The following AHRR variants were observed in gnomAD, a reference collection of about 807,000 sequenced individuals.
AHRR encodes aryl hydrocarbon receptor repressor.
AHRR carries 28 observed loss-of-function variants against 44.0 expected under a neutral mutation model. That is an observed-to-expected ratio of 0.64 (90% CI 0.47 to 0.87). AHRR has a LOEUF of 0.87. AHRR is among the 40% of genes least tolerant of loss of function. AHRR has a pLI of 0.00. For synonymous variants in AHRR, 434 were observed against 407.0 expected, an observed-to-expected ratio of 1.07 and a Z score of -0.80; for missense variants, 990 against 953.9, an observed-to-expected ratio of 1.04 and a Z score of -0.50.
At chr5:426,829 A>G (rs1287512835) in intron 7 of AHRR, among the ~76,000 whole-genome samples, 1 of 145,758 alleles carries the variant, frequency 6.9e-6, no homozygotes, top group Non-Finnish European at 1.5e-5. Flanking sequence ...AATATGATGG[A>G]TGGGTGGAAA....
intron 3 of AHRR, among the ~76,000 whole-genome samples, chr5:359,635 C>G (rs1242866158): frequency 1.3e-5 from 2 of 152,224 alleles, no homozygotes; most frequent in Non-Finnish European, 2.9e-5. Context: ...CACTCATCAC[C>G]CGCAGCAGCA....
chr5:421,778 C>T (rs797020448), intron 5 of AHRR, among the ~76,000 whole-genome samples: 3 of 152,322 alleles, frequency 2.0e-5, no homozygotes, highest in East Asian at 1.9e-4. Context: ...TCATCTTGTT[C>T]GGGGAGCCCC....
At chr5:386,458 T>A (rs1734171405) in intron 4 of AHRR, among the ~76,000 whole-genome samples, 1 of 152,234 alleles carries the variant, frequency 6.6e-6, no homozygotes, top group African/African-American at 2.4e-5. Context: ...AAGTAGAGAA[T>A]CTTTCTCACT....
At chr5:377,686 C>T (rs983225062) in intron 4 of AHRR, among the ~76,000 whole-genome samples, 2 of 152,248 alleles carry the variant, frequency 1.3e-5, no homozygotes, top group Admixed American at 6.5e-5. Flanking sequence ...AGTTCACAAC[C>T]CCCAGCTCGC....
At chr5:425,466 T>G (rs6895775) in intron 7 of AHRR, among the ~76,000 whole-genome samples, 2 of 152,142 alleles carry the variant, frequency 1.3e-5, no homozygotes, top group Non-Finnish European at 2.9e-5. Flanking sequence ...TACAGGCGCC[T>G]GCCACCACGC....
intron 5 of AHRR, 175 bp from the exon 6 acceptor site, chr5:422,554 C>T: frequency 1.2e-6 from 1 of 817,688 alleles, no homozygotes; most frequent in Non-Finnish European, 1.9e-6. Flanking sequence ...TAGACATCTT[C>T]TCAGGAGGGA....
At chr5:346,108 A>C (rs1742668436) in intron 2 of AHRR, among the ~76,000 whole-genome samples, 1 of 152,210 alleles carries the variant, frequency 6.6e-6, no homozygotes, top group Non-Finnish European at 1.5e-5. Flanking sequence ...CTGCAGAAGA[A>C]ACAGCACAGC....
chr5:415,926 C>A (rs1031021231), intron 5 of AHRR, among the ~76,000 whole-genome samples: 1 of 143,794 alleles, frequency 7.0e-6, no homozygotes, highest in African/African-American at 2.6e-5. Flanking sequence ...TGCAAAAAAA[C>A]TCCTCTAGTC....
At chr5:339,159 AG>A (rs1560880837) in intron 1 of AHRR, among the ~76,000 whole-genome samples, 2 of 152,150 alleles carry the variant, frequency 1.3e-5, no homozygotes, top group Non-Finnish European at 2.9e-5. Context: ...CTCAGGCTGG[AG>A]TGCAGTGGTA....
rs1295817929 is a variant in AHRR at position 431,482 on chromosome 5, T to A, written c.909-981T>A. Among the ~76,000 whole-genome samples, 3 of 152,340 alleles carry A rather than the reference T, an allele frequency of 2.0e-5. No individual in the cohort carries two copies. The East Asian group carries it at 5.8e-4, about 29-fold the overall frequency. ...AAGCCGGCTTTCAGGATACACCTTG[T>A]GGTCCACCAGTCCTGAGCCGCAGGA... On this transcript the variant is annotated intron_variant, in intron 8 of 10. Coordinates refer to ENST00000684583, the MANE Select transcript of AHRR (RefSeq NM_001377236.1).
At chr5:412,261 TA>T (rs921525646) in intron 4 of AHRR, among the ~76,000 whole-genome samples, 18 of 151,986 alleles carry the variant, frequency 1.2e-4, no homozygotes, top group African/African-American at 3.1e-4. Context: ...ATAGTTAATG[TA>T]AAAAAAATAA....
intron 2 of AHRR, among the ~76,000 whole-genome samples, chr5:344,276 G>T (rs954317460): frequency 6.6e-6 from 1 of 151,166 alleles, no homozygotes; most frequent in Non-Finnish European, 1.5e-5. Flanking sequence ...CGGAGGCGGC[G>T]GGGCCACGGC....
In AHRR at chr5:350,345, G is replaced by A. The variant is rs12653900; in HGVS notation, c.63-3385G>A. 4.0e-3 allele frequency among the ~76,000 whole-genome samples: 616 copies of A among 152,274 alleles called. 31 individuals carry two copies. The East Asian group carries it at 0.1, about 25-fold the overall frequency. On this transcript the variant is annotated intron_variant, in intron 2 of 10. Coordinates refer to ENST00000684583, the MANE Select transcript of AHRR (RefSeq NM_001377236.1). ...TCACAGGCATTGCATATTTTGGGGCGTCTCTTTCCGCCTGAGCTGGCTTGG... is the reference window on the plus strand; with the variant it reads ...TCACAGGCATTGCATATTTTGGGGCATCTCTTTCCGCCTGAGCTGGCTTGG...
chr5:410,189 C>T (rs1185618951), intron 4 of AHRR, among the ~76,000 whole-genome samples: 1 of 152,134 alleles, frequency 6.6e-6, no homozygotes, highest in Admixed American at 6.5e-5. Flanking sequence ...TTTTGCAATT[C>T]CATAACTATT....
intron 4 of AHRR, among the ~76,000 whole-genome samples, chr5:394,048 T>C (rs1268968364): frequency 6.6e-6 from 1 of 152,250 alleles, no homozygotes; most frequent in African/African-American, 2.4e-5. Context: ...GCTGCACTGG[T>C]GGTGTCCCTC....
At chr5:376,867 G>C in intron 4 of AHRR, 151 bp downstream of exon 4, 1 of 714,866 alleles carries the variant, frequency 1.4e-6, no homozygotes, top group Non-Finnish European at 2.3e-6. Flanking sequence ...GGAAGCGTAG[G>C]CTCCAAAATC....
chr5:344,859 A>T (rs1483335125), intron 2 of AHRR, among the ~76,000 whole-genome samples: 3 of 75,628 alleles, frequency 4.0e-5, no homozygotes, highest in Non-Finnish European at 6.7e-5. Flanking sequence ...GGGGTGTGTG[A>T]GACTGTGCAG....
In AHRR at chr5:337,281, G is replaced by A. The variant is rs1237942990; in HGVS notation, c.-10-6612G>A. On this transcript the variant is annotated intron_variant, in intron 1 of 10. Coordinates refer to ENST00000684583, the MANE Select transcript of AHRR (RefSeq NM_001377236.1). The surrounding 1 kb of genome is among the most constrained non-coding windows in gnomAD (Gnocchi z 4.1). ...ACTGTCCTCCCCACTTTATAGAGAA[G>A]CAAATCCCTAACATGCCATTTATTT... Among the ~76,000 whole-genome samples, 1 of 152,098 alleles carries A rather than the reference G, an allele frequency of 6.6e-6. No homozygotes were observed. The highest frequency in any genetic ancestry group is 1.5e-5 in the Non-Finnish European group (1 of 68,024).
chr5:367,743 C>A, intron 3 of AHRR: 1 of 655,420 alleles, frequency 1.5e-6, no homozygotes, highest in Non-Finnish European at 2.8e-6. Context: ...GCTGCTCGTT[C>A]TCTCCTAGTG....
Sources: gnomAD v4.1 joint callset for allele counts (sites outside exome capture counted in the v4.1 genomes callset) on GRCh38, gnomAD v4.1.1 for gene constraint, Gnocchi (gnomAD v3.1) non-coding constraint, MANE v1.5 for transcripts, NCBI Gene and HGNC (gene_info 2026-07-23, HGNC 2026-07-21) for gene names.